WDFY4: variants seen among roughly 807,000 people sequenced by gnomAD.
WDFY4 encodes WDFY family member 4, also known as WD repeat- and FYVE domain-containing protein 4.
In WDFY4, 169 loss-of-function variants were observed where a neutral mutation model predicts 351.9. The observed-to-expected ratio is 0.48, with a 90% CI of 0.42 to 0.55. WDFY4 has a LOEUF of 0.55. WDFY4 is among the 20% of genes least tolerant of loss of function. The pLI is 0.00. For synonymous variants in WDFY4, 1,622 were observed against 1,574.6 expected, an observed-to-expected ratio of 1.03 and a Z score of -0.71; for missense variants, 3,803 against 3,935.6, an observed-to-expected ratio of 0.97 and a Z score of 0.90.
At chr10:48,857,648 G>A (rs1195174471) in intron 39 of WDFY4, among the ~76,000 whole-genome samples, 3 of 152,018 alleles carry the variant, frequency 2.0e-5, no homozygotes, top group Non-Finnish European at 4.4e-5. Flanking sequence ...TTATTAAAAG[G>A]CATTAATATT....
chr10:48,842,473 C>T (rs1036378042), intron 39 of WDFY4, among the ~76,000 whole-genome samples: 6 of 152,110 alleles, frequency 3.9e-5, no homozygotes, highest in Non-Finnish European at 5.9e-5. Context: ...GTGCGGTCCG[C>T]GGCTGCCCAG....
intron 8 of WDFY4, among the ~76,000 whole-genome samples, chr10:48,730,846 T>G (rs2064435978): frequency 6.6e-6 from 1 of 152,224 alleles, no homozygotes; most frequent in Admixed American, 6.5e-5. Flanking sequence ...CTTTGTATTA[T>G]CTTTTTGAAA....
chr10:48,868,768 C>T (rs533483945), intron 40 of WDFY4, among the ~76,000 whole-genome samples: 3 of 152,260 alleles, frequency 2.0e-5, no homozygotes, highest in African/African-American at 7.2e-5. Flanking sequence ...AGAGTGCAAC[C>T]ATTTCTGCTC....
intron 2 of WDFY4, among the ~76,000 whole-genome samples, chr10:48,715,972 G>T (rs1248888024): frequency 3.9e-5 from 6 of 152,044 alleles, no homozygotes; most frequent in African/African-American, 7.2e-5. Context: ...TTTAGATGTG[G>T]TGTCCTGAGG....
intron 28 of WDFY4, among the ~76,000 whole-genome samples, chr10:48,809,356 A>C (rs1383947255): frequency 7.4e-5 from 9 of 121,806 alleles, no homozygotes; most frequent in African/African-American, 1.4e-4. Context: ...TCATCACCAC[A>C]TTAATCACCA....
At chr10:48,728,888 G>C (rs146118501) in intron 7 of WDFY4, among the ~76,000 whole-genome samples, 1 of 152,256 alleles carries the variant, frequency 6.6e-6, no homozygotes, top group Admixed American at 6.5e-5. Context: ...GGGCTCATTG[G>C]CTTTCCTTTT....
intron 13 of WDFY4, among the ~76,000 whole-genome samples, chr10:48,773,005 A>G (rs1249005627): frequency 6.6e-6 from 1 of 152,088 alleles, no homozygotes; most frequent in Non-Finnish European, 1.5e-5. Context: ...CGCAATAAAC[A>G]TACGTGTGCA....
chr10:48,828,653 C>A, intron 36 of WDFY4, 125 bp from the exon 37 acceptor site: 1 of 578,334 alleles, frequency 1.7e-6, no homozygotes, highest in Non-Finnish European at 2.9e-6. Flanking sequence ...TTTGATTAGG[C>A]AAGTTTTTTT....
chr10:48,744,653 A>G (rs779973161), intron 12 of WDFY4, among the ~76,000 whole-genome samples: 2 of 152,072 alleles, frequency 1.3e-5, no homozygotes, highest in Non-Finnish European at 1.5e-5. Context: ...GTTTATGTAG[A>G]TTGTTTATTT....
chr10:48,725,987 G>A lies in WDFY4; in HGVS notation c.698G>A (p.Cys233Tyr). ...ACGACCTGCCTTCGGGAGCACAGCT[G>A]CTGCTTCTGGAAGGAACCCACCTTC... ...IATTCLREHSCCFWKEPTFCV... is the reference protein window; with the variant it reads ...IATTCLREHSYCFWKEPTFCV... The change falls in exon 6 of 62, where the codon TGC (cysteine) becomes TAC (tyrosine). Residue 233 changes from cysteine to tyrosine, a missense_variant. Cys to Tyr is a radical substitution (Grantham distance 194). This residue lies in a region of WDFY4 where 488 missense variants were observed against 456.8 expected (regional missense o/e 1.07). Coordinates refer to ENST00000325239, the MANE Select transcript of WDFY4 (RefSeq NM_001394531.1). The A allele has an allele frequency of 6.4e-7, 1 of 1,551,768 alleles. No individual in the cohort carries two copies.
In WDFY4 at chr10:48,826,674, A is replaced by G. The variant is rs2068021666; in HGVS notation, c.5986A>G (p.Ile1996Val). Residue 1996 changes from isoleucine (I) to valine (V), a missense_variant, in exon 36 of 62, where the codon ATT becomes GTT. Physicochemically the swap from Ile to Val is conservative, Grantham distance 29. Around this residue, in one of 3 missense-constraint regions of WDFY4, gnomAD observed 3,054 missense variants for 3,148.6 expected, o/e 0.97. Coordinates refer to ENST00000325239, the MANE Select transcript of WDFY4 (RefSeq NM_001394531.1). The part of the protein sequence containing the change: ...LFILEHIMVV[I>V]ETASSQRDTV... Reference sequence around the variant, plus strand: ...GTATGTTTTTTTAATGACACAGGTCATTGAGACTGCCTCTTCTCAAAGGGA... The same window carrying G: ...GTATGTTTTTTTAATGACACAGGTCGTTGAGACTGCCTCTTCTCAAAGGGA... 1 of 1,550,144 alleles carries G rather than the reference A, an allele frequency of 6.5e-7. No individual in the cohort carries two copies.
chr10:48,969,746 CT>C (rs11366933), intron 56 of WDFY4, among the ~76,000 whole-genome samples: 125,880 of 151,096 alleles, frequency 0.83, 54,267 homozygotes, highest in East Asian at 0.98. Flanking sequence ...CTCCCCTCCC[CT>C]AATCCCATCA....
rs1020836857 is a variant in WDFY4 at position 48,805,337 on chromosome 10, G to A, written c.4562G>A (p.Ser1521Asn). 1.9e-6 allele frequency: 3 copies of A among 1,548,918 alleles called. No homozygotes were observed. The highest frequency in any genetic ancestry group is 2.7e-5 in the African/African-American group (2 of 73,090). ...PKLIFLFNEPSLIPSKISTII... is the reference protein window; with the variant it reads ...PKLIFLFNEPNLIPSKISTII... ...CTCATCTTCCTATTCAATGAGCCGA[G>A]CCTCATCCCCTCCAAGATCTCCACC... Residue 1521 changes from serine to asparagine, a missense_variant, in exon 26 of 62, where the codon AGC becomes AAC. This residue lies in a region of WDFY4 where 3,054 missense variants were observed against 3,148.6 expected (regional missense o/e 0.97). Coordinates refer to ENST00000325239, the MANE Select transcript of WDFY4 (RefSeq NM_001394531.1).
intron 47 of WDFY4, among the ~76,000 whole-genome samples, chr10:48,937,504 C>T (rs1840458267): frequency 6.6e-6 from 1 of 152,162 alleles, no homozygotes; most frequent in African/African-American, 2.4e-5. Context: ...AATTTCACCT[C>T]CCTGGCCTGT....
At chr10:48,710,434 T>G (rs1334946204) in intron 2 of WDFY4, among the ~76,000 whole-genome samples, 1 of 152,154 alleles carries the variant, frequency 6.6e-6, no homozygotes, top group Non-Finnish European at 1.5e-5. Flanking sequence ...CTAGCGAGAG[T>G]GTCATGCCAA....
Position 48,957,255 on chromosome 10 carries a change from T to G in WDFY4, c.8104T>G (p.Leu2702Val), listed in dbSNP as rs1455496199. 3 of 1,551,680 alleles carry G rather than the reference T, an allele frequency of 1.9e-6. No individual in the cohort carries two copies. The highest frequency in any genetic ancestry group is 1.7e-4 in the Middle Eastern group (1 of 5,990). ...AGAGTTCTTCTACCTGCCTGAGTTC[T>G]TAACCAACTGCAACGGGGTAGAGTT... ...TPEFFYLPEF[L>V]TNCNGVEFGC... The change falls in exon 52 of 62, where the codon TTA (leucine) becomes GTA (valine). Residue 2702 changes from leucine to valine, a missense_variant. Leu to Val is a conservative substitution (Grantham distance 32, BLOSUM62 1). Transcript: ENST00000325239.
At chr10:48,910,872 C>T in intron 47 of WDFY4, 1 of 983,488 alleles carries the variant, frequency 1.0e-6, no homozygotes. Flanking sequence ...CCAGCAAACC[C>T]TGGGCACCAG....
chr10:48,915,522 C>A (rs1392779217), intron 47 of WDFY4, among the ~76,000 whole-genome samples: 1 of 152,030 alleles, frequency 6.6e-6, no homozygotes, highest in Non-Finnish European at 1.5e-5. Context: ...GGGAGAGGTG[C>A]TCTACAGTTT....
intron 19 of WDFY4, 63 bp from the exon 20 acceptor site, chr10:48,786,576 T>G (rs879555020): frequency 1.6e-6 from 2 of 1,262,740 alleles, no homozygotes; most frequent in Non-Finnish European, 2.2e-6. Context: ...TATATCACTT[T>G]GTATTTACTT....
Sources: allele counts gnomAD v4.1 joint callset (sites outside exome capture counted in the v4.1 genomes callset), GRCh38; gene constraint gnomAD v4.1.1; regional missense constraint gnomAD v4.1.1; transcripts MANE v1.5; gene names NCBI Gene and HGNC (gene_info 2026-07-23, HGNC 2026-07-21).